Variants in MMS19 observed in about 807,000 individuals in gnomAD.
The protein encoded by MMS19 is MMS19 cytosolic iron-sulfur assembly component.
In MMS19, 77 loss-of-function variants were observed where a neutral mutation model predicts 129.8. The ratio of observed to expected loss-of-function variants is 0.59; its 90% CI spans 0.49 to 0.72. The LOEUF is 0.72. Among genes scored for constraint, MMS19 ranks in the 30% least tolerant of loss-of-function variants. The probability of loss-of-function intolerance (pLI) is 0.00; values close to 1 mark genes in which losing one functional copy is unlikely to be tolerated. For synonymous variants in MMS19, 491 were observed against 502.8 expected (o/e 0.98, Z 0.31); for missense variants, 1,168 against 1,266.3 (o/e 0.92, Z 1.18).
At chr10:97,464,117 C>CTCTTGGTCCCTTCAGT in intron 18 of MMS19, 104 bp from the exon 19 acceptor site, 1 of 1,030,622 alleles carries the variant, frequency 9.7e-7, no homozygotes, top group Non-Finnish European at 1.4e-6. Context: ...ACTGAAGGGA[C>CTCTTGGTCCCTTCAGT]CAAGAGTGCC....
intron 1 of MMS19, among the ~76,000 whole-genome samples, chr10:97,491,337 C>T (rs1450287762): frequency 2.0e-5 from 3 of 152,208 alleles, no homozygotes; most frequent in Non-Finnish European, 4.4e-5. Context: ...AAATAGGGCC[C>T]ATTCAGTACC....
chr10:97,498,471 G>A (rs1253819552), upstream of MMS19: 1 of 1,521,066 alleles, frequency 6.6e-7, no homozygotes, highest in East Asian at 2.5e-5. Flanking sequence ...CAATCTCCGG[G>A]GAAGCGCAAG....
chr10:97,477,746 A>G (rs2036015716), intron 5 of MMS19, 109 bp downstream of exon 5: 2 of 765,582 alleles, frequency 2.6e-6, no homozygotes, highest in East Asian at 2.7e-5. Flanking sequence ...AACATTCACA[A>G]GATCCAAAAG....
chr10:97,473,704 T>C (rs541132600), intron 8 of MMS19, among the ~76,000 whole-genome samples: 1 of 152,270 alleles, frequency 6.6e-6, no homozygotes, highest in South Asian at 2.1e-4. Context: ...GTGAAAATTA[T>C]ATGAAATTCA....
At chr10:97,471,381 T>C (rs1401442802) in intron 8 of MMS19, among the ~76,000 whole-genome samples, 1 of 152,174 alleles carries the variant, frequency 6.6e-6, no homozygotes, top group East Asian at 1.9e-4. Flanking sequence ...TATAAAAAGC[T>C]GTAATTCTGA....
intron 3 of MMS19, chr10:97,480,276 T>C (rs995294180): frequency 8.6e-6 from 4 of 463,920 alleles, no homozygotes; most frequent in Non-Finnish European, 1.8e-5. Flanking sequence ...GTTCCCTCTC[T>C]TGGCTTTGGA....
intron 1 of MMS19, among the ~76,000 whole-genome samples, chr10:97,486,862 C>CATATATATATATATAT (rs148575472): frequency 0.023 from 1,902 of 84,194 alleles, 99 homozygotes; most frequent in Non-Finnish European, 0.03. Context: ...ATTAAAGTGC[C>CATATATATATATATAT]ATATATATAT....
chr10:97,471,538 TCTCA>T (rs2034700099), intron 8 of MMS19, among the ~76,000 whole-genome samples: 1 of 151,898 alleles, frequency 6.6e-6, no homozygotes, highest in South Asian at 2.1e-4. Context: ...TGAGACAGAG[TCTCA>T]CTCTGTCACC....
At chr10:97,487,318 CTTTTT>C (rs201462938) in intron 1 of MMS19, among the ~76,000 whole-genome samples, 3 of 137,668 alleles carry the variant, frequency 2.2e-5, no homozygotes, top group Admixed American at 7.3e-5. Context: ...GAGAAAATTT[CTTTTT>C]TTTTTTTTTT....
rs2040189250 is a variant in MMS19, at chr10:97,498,295, G to A, written c.90C>T (p.Gly30=). 1.3e-6 allele frequency: 2 copies of A among 1,570,040 alleles called. No individual in the cohort carries two copies. The highest frequency in any genetic ancestry group is 1.8e-5 in the Admixed American group (1 of 55,398). The part of the protein sequence containing the change: ...VHDFVVGQQE[G]PADQVAADVK... Reference sequence around the variant, plus strand: ...TACCTGCAGCCACCTGGTCAGCGGGGCCCTCTTGCTGACCCACGACGAAGT... The same window carrying A: ...TACCTGCAGCCACCTGGTCAGCGGGACCCTCTTGCTGACCCACGACGAAGT... The change falls in exon 1 of 31, where the codon GGC becomes GGT. Residue 30 remains glycine (G), a synonymous_variant. Coordinates refer to ENST00000438925, the MANE Select transcript of MMS19 (RefSeq NM_022362.5).
At chr10:97,471,168 A>G (rs778656871) in intron 8 of MMS19, among the ~76,000 whole-genome samples, 5 of 152,198 alleles carry the variant, frequency 3.3e-5, no homozygotes, top group Non-Finnish European at 5.9e-5. Flanking sequence ...GCTAGTATAT[A>G]CTGTTTCCAT....
chr10:97,477,535 A>G (rs182242302), intron 5 of MMS19, 119 bp from the exon 6 acceptor site: 26 of 1,352,920 alleles, frequency 1.9e-5, no homozygotes, highest in Non-Finnish European at 2.5e-5. Context: ...CATAAGATCA[A>G]TCTAAGAGAA....
intron 8 of MMS19, among the ~76,000 whole-genome samples, chr10:97,474,111 C>T (rs796902105): frequency 2.5e-4 from 37 of 149,372 alleles, no homozygotes; most frequent in African/African-American, 9.2e-4. Flanking sequence ...TGTGATGGTG[C>T]CACTACACTC....
intron 29 of MMS19, 151 bp downstream of exon 29, chr10:97,459,072 A>ATTCTTT: frequency 7.4e-6 from 7 of 943,902 alleles, no homozygotes; most frequent in Non-Finnish European, 1.1e-5. Context: ...AAGGAAAAGA[A>ATTCTTT]TCCTTGGGCC....
intron 20 of MMS19, 57 bp downstream of exon 20, chr10:97,462,526 T>C (rs138252979): frequency 1.5e-6 from 2 of 1,305,536 alleles, no homozygotes; most frequent in Non-Finnish European, 2.2e-6. Context: ...CTGTTGCTTC[T>C]TCCTAAGAAT....
At chr10:97,479,833 GAAAA>G in intron 3 of MMS19, among the ~76,000 whole-genome samples, 1 of 139,928 alleles carries the variant, frequency 7.1e-6, no homozygotes, top group East Asian at 2.0e-4. Context: ...GAACAGTTAA[GAAAA>G]AAAAAAAAGA....
intron 1 of MMS19, among the ~76,000 whole-genome samples, chr10:97,486,990 T>A (rs968752299): frequency 6.7e-6 from 1 of 150,050 alleles, no homozygotes. Context: ...GGTCACATTT[T>A]AAAAGTGTAC....
At chr10:97,485,058 A>C (rs898720542) in intron 1 of MMS19, among the ~76,000 whole-genome samples, 4 of 152,164 alleles carry the variant, frequency 2.6e-5, no homozygotes, top group African/African-American at 9.6e-5. Flanking sequence ...TACAGATGTG[A>C]GCCACTGCGT....
chr10:97,484,350 A>G (rs1286721547), intron 1 of MMS19, among the ~76,000 whole-genome samples, 199 bp from the exon 2 acceptor site: 4 of 152,190 alleles, frequency 2.6e-5, no homozygotes, highest in African/African-American at 9.6e-5. Flanking sequence ...AATTGAAAAG[A>G]AAATAAATAT....
Sources: gnomAD v4.1 joint callset for allele counts (sites outside exome capture counted in the v4.1 genomes callset) on GRCh38, gnomAD v4.1.1 for gene constraint, MANE v1.5 for transcripts, NCBI Gene and HGNC (gene_info 2026-07-23, HGNC 2026-07-21) for gene names.